Variants in ODAD1 observed in about 807,000 individuals in gnomAD.
The protein encoded by ODAD1 is outer dynein arm-docking complex subunit 1.
ODAD1 carries 49 observed loss-of-function variants against 67.2 expected under a neutral mutation model. The ratio of observed to expected loss-of-function variants is 0.73; its 90% CI spans 0.58 to 0.92. The LOEUF is 0.92. ODAD1 is among the 40% of genes least tolerant of loss of function. ODAD1 has a pLI of 0.00. For synonymous variants in ODAD1, 345 were observed against 393.7 expected (o/e 0.88, Z 1.46); for missense variants, 897 against 953.7 (o/e 0.94, Z 0.78).
intron 12 of ODAD1, among the ~76,000 whole-genome samples, chr19:48,302,124 A>G (rs1569003359): frequency 6.8e-6 from 1 of 147,894 alleles, no homozygotes; most frequent in Non-Finnish European, 1.5e-5. Context: ...GAATGGATGG[A>G]TGGATATAGG....
chr19:48,304,765 G>A (rs1427341024), intron 8 of ODAD1, among the ~76,000 whole-genome samples: 1 of 152,128 alleles, frequency 6.6e-6, no homozygotes, highest in East Asian at 1.9e-4. Context: ...CTCTCTCTAG[G>A]TAAACTCTCT....
chr19:48,317,547 G>T (rs1429554497), intron 5 of ODAD1, among the ~76,000 whole-genome samples: 1 of 152,164 alleles, frequency 6.6e-6, no homozygotes, highest in African/African-American at 2.4e-5. Flanking sequence ...AGGTTTTGGG[G>T]ACTCTAACAT....
In ODAD1 at chr19:48,297,146, A is replaced by G; in HGVS notation, c.1954T>C (p.Tyr652His). ...TCTCCGCCCCTGCTGGACCCCACGT[A>G]TCCAGTGGAGCCCAGGTAGCTGCTG... ...SASSYLGSTG[Y>H]VGSSRGGENT... Residue 652 changes from tyrosine to histidine, a missense_variant, in exon 16 of 16, where the codon TAC becomes CAC. Coordinates refer to ENST00000674294, the MANE Select transcript of ODAD1 (RefSeq NM_001364171.2). 5 of 1,614,106 alleles carry G rather than the reference A, an allele frequency of 3.1e-6. No homozygotes were observed. The highest frequency in any genetic ancestry group is 4.2e-6 in the Non-Finnish European group (5 of 1,180,004).
chr19:48,303,286 G>T (rs1236044054), intron 10 of ODAD1, 191 bp from the exon 11 acceptor site: 5 of 629,688 alleles, frequency 7.9e-6, no homozygotes, highest in African/African-American at 7.3e-5. Context: ...ACGGCAGGTG[G>T]GACACAGAAA....
chr19:48,299,598 G>A (rs571474342), intron 12 of ODAD1, among the ~76,000 whole-genome samples: 3 of 152,086 alleles, frequency 2.0e-5, no homozygotes, highest in South Asian at 2.1e-4. Context: ...CAAGTCAGGA[G>A]TTTGAGACCA....
rs148823991 is a variant in ODAD1 at position 48,298,021 on chromosome 19, G to A, written c.1481C>T (p.Pro494Leu). The A allele has an allele frequency of 3.1e-3, 4,974 of 1,613,116 alleles. 11 individuals carry two copies. The highest frequency in any genetic ancestry group is 3.9e-3 in the Non-Finnish European group (4,578 of 1,179,680). ...SLEDLPKKMA[P>L]LQPPDTLEDP... Reference sequence around the variant, plus strand: ...TCACAGAGTGTCAGGGGGCTGAAGTGGGGCCATCTTCTTCGGAAGGTCCTC... The same window carrying A: ...TCACAGAGTGTCAGGGGGCTGAAGTAGGGCCATCTTCTTCGGAAGGTCCTC... The change falls in exon 14 of 16, where the codon CCA becomes CTA. Residue 494 changes from proline to leucine, a missense_variant. Coordinates refer to ENST00000674294, the MANE Select transcript of ODAD1 (RefSeq NM_001364171.2).
At chr19:48,302,130 A>G (rs1393234451) in intron 12 of ODAD1, among the ~76,000 whole-genome samples, 1 of 147,154 alleles carries the variant, frequency 6.8e-6, no homozygotes, top group African/African-American at 2.5e-5. Context: ...ATGGATGGAT[A>G]TAGGACAGAT....
chr19:48,304,155 CG>C lies in ODAD1; in HGVS notation c.666-16del. The C allele has an allele frequency of 1.3e-6, 2 of 1,573,320 alleles. No individual in the cohort carries two copies. Among genetic ancestry groups the C allele is most frequent in the Non-Finnish European group, 8.6e-7 (1 of 1,158,446 alleles). Reference sequence around the variant, plus strand: ...TCGCCTCCTCCCTGCGGGGGTCAGCCGGGGTCAGGATGACTGGAGGCTGGAC... The same window carrying C: ...TCGCCTCCTCCCTGCGGGGGTCAGCCGGGTCAGGATGACTGGAGGCTGGAC... On this transcript the variant is annotated splice_polypyrimidine_tract_variant and intron_variant, in intron 8 of 15. Coordinates refer to ENST00000674294, the MANE Select transcript of ODAD1 (RefSeq NM_001364171.2).
chr19:48,321,823 G>T lies in ODAD1; in HGVS notation c.-209C>A. 1 of 398,640 alleles carries T rather than the reference G, an allele frequency of 2.5e-6. No homozygotes were observed. The highest frequency in any genetic ancestry group is 4.4e-6 in the Non-Finnish European group (1 of 226,048). 24.7% of individuals were successfully genotyped at this position (398,640 alleles called of 1,614,324 possible). A position where few individuals can be genotyped will look rare whatever the true frequency, so the allele number is the denominator to read the frequency against. ...ACCACGTTAAATTAAGGATTCATAG[G>T]AAGGAAGGCGGTGTCGAAGCCGGGA... On this transcript the variant is annotated 5_prime_UTR_variant, in exon 1 of 16. Transcript: ENST00000674294.
At chr19:48,304,562 T>C in intron 8 of ODAD1, among the ~76,000 whole-genome samples, 1 of 151,086 alleles carries the variant, frequency 6.6e-6, no homozygotes, top group South Asian at 2.1e-4. Context: ...AAGATTGCAG[T>C]GAGCTGAGAT....
chr19:48,300,071 C>A (rs1028577641), intron 12 of ODAD1, among the ~76,000 whole-genome samples: 1 of 151,654 alleles, frequency 6.6e-6, no homozygotes, highest in Non-Finnish European at 1.5e-5. Context: ...CTTTGGGATA[C>A]TGAGGCGGGC....
At chr19:48,317,812 C>T (rs891591463) in intron 5 of ODAD1, among the ~76,000 whole-genome samples, 4 of 151,944 alleles carry the variant, frequency 2.6e-5, no homozygotes, top group African/African-American at 4.8e-5. Flanking sequence ...GTGGCTCACG[C>T]CTGTAATCTC....
chr19:48,314,459 A>G (rs1968846621), intron 5 of ODAD1, among the ~76,000 whole-genome samples: 1 of 152,238 alleles, frequency 6.6e-6, no homozygotes, highest in Non-Finnish European at 1.5e-5. Flanking sequence ...AGAAGGCTGC[A>G]GCAAACTTAA....
At chr19:48,304,631 A>T (rs1272318522) in intron 8 of ODAD1, among the ~76,000 whole-genome samples, 1 of 141,150 alleles carries the variant, frequency 7.1e-6, no homozygotes, top group Non-Finnish European at 1.5e-5. Flanking sequence ...AAAAAAAAAA[A>T]GACAGAAGCA....
At chr19:48,299,265 G>T (rs1968392489) in intron 12 of ODAD1, among the ~76,000 whole-genome samples, 1 of 151,968 alleles carries the variant, frequency 6.6e-6, no homozygotes, top group Admixed American at 6.6e-5. Context: ...AAAAAAACTA[G>T]CCGGGCATGG....
rs539222601 is a variant in ODAD1 at position 48,320,413 on chromosome 19, A to C, written c.-23-22T>G. 4 of 1,241,156 alleles carry C rather than the reference A, an allele frequency of 3.2e-6. No homozygotes were observed. In the Admixed American group the frequency reaches 1.0e-4, roughly 32 times the overall value. 76.9% of individuals were successfully genotyped at this position (1,241,156 alleles called of 1,614,324 possible). ...GCTCCTGTAGGGATGGACATATAAG[A>C]CCCTTCAGACAGCAGGCGGGCCAGG... On this transcript the variant is annotated intron_variant, in intron 2 of 15. Transcript: ENST00000674294.
chr19:48,304,990 T>G (rs1170796505), intron 8 of ODAD1, among the ~76,000 whole-genome samples: 1 of 152,196 alleles, frequency 6.6e-6, no homozygotes, highest in Non-Finnish European at 1.5e-5. Flanking sequence ...ATTCTACGCT[T>G]TAAAATGGTG....
intron 8 of ODAD1, 37 bp downstream of exon 8, chr19:48,306,219 C>T (rs1219147392): frequency 6.4e-7 from 1 of 1,551,072 alleles, no homozygotes; most frequent in Non-Finnish European, 8.7e-7. Context: ...CCTGAGTCAT[C>T]TGGGTCCCGC....
At position 48,319,019 on chromosome 19, in the gene ODAD1, GT is replaced by G. The variant is rs11310102; in HGVS notation, c.71-208del. 0.99 allele frequency among the ~76,000 whole-genome samples: 150,810 copies of G among 151,940 alleles called. 74,845 individuals carry two copies. Among genetic ancestry groups the G allele is most frequent in the East Asian group, 1 (5,136 of 5,136 alleles). On this transcript the variant is annotated intron_variant, in intron 3 of 15. Coordinates refer to ENST00000674294, the MANE Select transcript of ODAD1 (RefSeq NM_001364171.2). ...CTTCATACCCAAAACTGAACTCAGG[GT>G]TTTTTTCCCCTAAAACCCACTCCCA...
Sources: allele counts gnomAD v4.1 joint callset (sites outside exome capture counted in the v4.1 genomes callset), GRCh38; gene constraint gnomAD v4.1.1; transcripts MANE v1.5; gene names NCBI Gene and HGNC (gene_info 2026-07-23, HGNC 2026-07-21).